LILRA4: variants seen among roughly 807,000 people sequenced by gnomAD.
LILRA4 encodes leukocyte immunoglobulin like receptor A4.
In LILRA4, 51 loss-of-function variants were observed where a neutral mutation model predicts 49.5. That is an observed-to-expected ratio of 1.03 (90% CI 0.82 to 1.30). The LOEUF (loss-of-function observed/expected upper bound fraction) is 1.30, where lower values mean the gene tolerates loss of function less well. LILRA4 is among the 50% of genes most tolerant of loss of function. The pLI, the probability that LILRA4 is intolerant of heterozygous loss-of-function variation, is 0.00. For missense variants in LILRA4, 624 were observed against 625.6 expected (o/e 1.00, Z 0.03); for synonymous variants, 272 against 265.6 (o/e 1.02, Z -0.23).
intron 6 of LILRA4, chr19:54,334,503 T>C (rs1172174405): frequency 6.5e-6 from 1 of 153,088 alleles, no homozygotes; most frequent in African/African-American, 2.4e-5. Context: ...TAATTCTTCA[T>C]ATAGTTAGGA....
chr19:54,337,525 G>T lies in LILRA4; in HGVS notation c.827C>A (p.Ser276Tyr). 6.2e-7 allele frequency: 1 copy of T among 1,613,090 alleles called. No homozygotes were observed. Among genetic ancestry groups the T allele is most frequent in the Non-Finnish European group, 8.5e-7 (1 of 1,179,906 alleles). ...RPGRQPQAGL[S>Y]QANFTLSPVS... Reference sequence around the variant, plus strand: ...AGGGCTCAGGGTGAAGTTGGCCTGGGAGAGCCCAGCCTGGGGCTGCCGGCC... The same window carrying T: ...AGGGCTCAGGGTGAAGTTGGCCTGGTAGAGCCCAGCCTGGGGCTGCCGGCC... The change falls in exon 5 of 8, where the codon TCC (serine) becomes TAC (tyrosine). Residue 276 changes from serine (S) to tyrosine (Y), a missense_variant. Transcript: ENST00000291759.
chr19:54,337,544 G>A lies in LILRA4; in HGVS notation c.808C>T (p.Gln270Ter), dbSNP rs1469167291. The A allele has an allele frequency of 1.2e-6, 2 of 1,613,282 alleles. No homozygotes were observed. The highest frequency in any genetic ancestry group is 1.1e-5 in the South Asian group (1 of 91,040). Residue 270 changes from glutamine to a stop codon, truncating the protein, a stop_gained, in exon 5 of 8, where the codon CAG (glutamine) becomes TAG (stop). Coordinates refer to ENST00000291759, the MANE Select transcript of LILRA4 (RefSeq NM_012276.5). LOFTEE classifies it high-confidence loss of function. Reference protein sequence around the residue: ...ADGLPQRPGRQPQAGLSQANF... With the variant: ...ADGLPQRPGR ...GCCTGGGAGAGCCCAGCCTGGGGCT[G>A]CCGGCCAGGGCGCTGGGGGAGGCCA... is the stretch of plus-strand genomic sequence containing the variant.
chr19:54,336,770 T>C (rs1176414438), intron 6 of LILRA4, 71 bp downstream of exon 6: 3 of 1,550,480 alleles, frequency 1.9e-6, no homozygotes, highest in Non-Finnish European at 2.6e-6. Flanking sequence ...ACGGACACTC[T>C]CTTGGAAGCT....
rs1233050047 is a variant in LILRA4, at chr19:54,337,049, C to T, written c.1047G>A (p.Pro349=). ...KVTLLCQSWD[P]MFTFLLTKEG... is the part of the protein sequence containing the mutation. ...CCTTGGTCAGAAGGAAAGTGAACAT[C>T]GGGTCCCATGACTGACACAGCAGGG... Residue 349 remains proline, a synonymous_variant, in exon 6 of 8, where the codon CCG becomes CCA. Transcript: ENST00000291759. 8 of 1,613,882 alleles carry T rather than the reference C, an allele frequency of 5.0e-6. No homozygotes were observed. The highest frequency in any genetic ancestry group is 4.0e-5 in the African/African-American group (3 of 74,858).
intron 4 of LILRA4, 21 bp from the exon 5 acceptor site, chr19:54,337,717 G>A: frequency 6.2e-7 from 1 of 1,605,906 alleles, no homozygotes; most frequent in Non-Finnish European, 8.5e-7. Context: ...AGATGAGTTG[G>A]GACTCGGAGC....
Position 54,337,593 on chromosome 19 carries a change from G to T in LILRA4, c.759C>A (p.Tyr253Ter). The part of the protein sequence containing the change: ...QCGSDVGYIR[Y>*]TLYKEGADGL... ...CATCGGCCCCCTCCTTGTACAGAGT[G>T]TATCTGATGTAGCCGACATCAGAGC... Residue 253 changes from tyrosine (Y) to a stop codon, truncating the protein, a stop_gained, in exon 5 of 8, where the codon TAC becomes TAA. Coordinates refer to ENST00000291759, the MANE Select transcript of LILRA4 (RefSeq NM_012276.5). LOFTEE classifies it high-confidence loss of function. 3.7e-6 allele frequency: 6 copies of T among 1,613,318 alleles called. No homozygotes were observed. Among genetic ancestry groups the T allele is most frequent in the Admixed American group, 1.7e-5 (1 of 59,974 alleles).
rs1297614479 is a variant in LILRA4, at chr19:54,339,113, C to A, written c.-20G>T. 4.3e-6 allele frequency: 7 copies of A among 1,614,060 alleles called. No individual in the cohort carries two copies. In the East Asian group the frequency reaches 1.6e-4, roughly 36 times the overall value. ...GGTCATGGCATCTCCTCCTCCTGGC[C>A]CTGGCTGTGCAGGCAGGTGTGGCCA... On this transcript the variant is annotated 5_prime_UTR_variant, in exon 1 of 8. Transcript: ENST00000291759.
rs761302358 is a variant in LILRA4, at chr19:54,338,888, G to A, written c.48C>T (p.Gly16=). 1.2e-6 allele frequency: 2 copies of A among 1,614,132 alleles called. No homozygotes were observed. Among genetic ancestry groups the A allele is most frequent in the South Asian group, 1.1e-5 (1 of 91,084 alleles). ...CACCTGCCTGCACCCGGGTCCTGGG[G>A]CCCAGGCTCAGCCCTGGAAGAGAGT... ...TSLLFFGLSL[G]PRTRVQAENL... is the part of the protein sequence containing the mutation. Residue 16 remains glycine, a synonymous_variant, in exon 2 of 8, where the codon GGC becomes GGT. Coordinates refer to ENST00000291759, the MANE Select transcript of LILRA4 (RefSeq NM_012276.5).
rs1329888153 is a variant in LILRA4 at position 54,338,563 on chromosome 19, T to A, written c.188A>T (p.Glu63Val). ...LEAQGYRLDK[E>V]GNSMSRHILK... The stretch of plus-strand genomic sequence containing the variant: ...TATGTGCCTCGACATTGAGTTTCCC[T>A]CTTTATCCAGACGGTACCCCTGGGC... The change falls in exon 3 of 8, where the codon GAG becomes GTG. Residue 63 changes from glutamate to valine, a missense_variant. By Grantham distance (121) the Glu-to-Val change is moderately radical. Transcript: ENST00000291759. The A allele has an allele frequency of 1.2e-6, 2 of 1,614,150 alleles. No homozygotes were observed. The highest frequency in any genetic ancestry group is 3.3e-5 in the Admixed American group (2 of 60,028).
chr19:54,338,280 CCTCCCA>C, intron 3 of LILRA4, 45 bp from the exon 4 acceptor site: 1 of 1,594,148 alleles, frequency 6.3e-7, no homozygotes, highest in Non-Finnish European at 8.6e-7. Context: ...GGGGCTCACA[CCTCCCA>C]CCTTATCCTA....
chr19:54,338,143 C>T lies in LILRA4; in HGVS notation c.448G>A (p.Gly150Ser), dbSNP rs2081352549. 6.2e-7 allele frequency: 1 copy of T among 1,614,016 alleles called. No individual in the cohort carries two copies. Among genetic ancestry groups the T allele is most frequent in the Non-Finnish European group, 8.5e-7 (1 of 1,179,970 alleles). ...TLRCASRLGL[G>S]RFTLIEEGDH... The stretch of plus-strand genomic sequence containing the variant: ...CCTTCCTCAATCAGAGTGAACCTGC[C>T]CAGTCCCAGCCGTGAGGCACACCGG... The change falls in exon 4 of 8, where the codon GGC becomes AGC. Residue 150 changes from glycine to serine, a missense_variant. Transcript: ENST00000291759.
At position 54,337,079 on chromosome 19, in the gene LILRA4, C is replaced by G. The variant is rs760826342; in HGVS notation, c.1017G>C (p.Lys339Asn). 5 of 1,613,742 alleles carry G rather than the reference C, an allele frequency of 3.1e-6. No individual in the cohort carries two copies. Among genetic ancestry groups the G allele is most frequent in the Middle Eastern group, 1.6e-4 (1 of 6,062 alleles). The change falls in exon 6 of 8, where the codon AAG (lysine) becomes AAC (asparagine). Residue 339 changes from lysine (K) to asparagine (N), a missense_variant. Coordinates refer to ENST00000291759, the MANE Select transcript of LILRA4 (RefSeq NM_012276.5). Reference protein sequence around the residue: ...QPGPTVTSGEKVTLLCQSWDP... With the variant: ...QPGPTVTSGENVTLLCQSWDP... ...CCCATGACTGACACAGCAGGGTCAC[C>G]TTCTCTCCTGAGGTCACCGTGGGGC...
rs140130784 is a variant in LILRA4 at position 54,337,548 on chromosome 19, G to A, written c.804C>T (p.Gly268=). 1.5e-3 allele frequency: 2,409 copies of A among 1,613,298 alleles called. 5 individuals carry two copies. The highest frequency in any genetic ancestry group is 3.5e-3 in the Admixed American group (208 of 59,988). Residue 268 remains glycine (G), a synonymous_variant, in exon 5 of 8, where the codon GGC becomes GGT. Coordinates refer to ENST00000291759, the MANE Select transcript of LILRA4 (RefSeq NM_012276.5). ...GGGAGAGCCCAGCCTGGGGCTGCCG[G>A]CCAGGGCGCTGGGGGAGGCCATCGG... ...EGADGLPQRP[G]RQPQAGLSQA...
chr19:54,339,142 T>G lies in LILRA4; in HGVS notation c.-49A>C. 1 of 1,607,998 alleles carries G rather than the reference T, an allele frequency of 6.2e-7. No individual in the cohort carries two copies. Among genetic ancestry groups the G allele is most frequent in the Non-Finnish European group, 8.5e-7 (1 of 1,174,530 alleles). On this transcript the variant is annotated 5_prime_UTR_variant, in exon 1 of 8. Transcript: ENST00000291759. The stretch of plus-strand genomic sequence containing the variant: ...GCTGTGCAGGCAGGTGTGGCCACGG[T>G]GCCCGTAGACACAGACAGACACATG...
In LILRA4 at chr19:54,338,073, TG is replaced by T. The variant is rs1351501703; in HGVS notation, c.517del (p.His173MetfsTer13). On this transcript the variant is annotated frameshift_variant, in exon 4 of 8. Transcript: ENST00000291759. LOFTEE classifies it high-confidence loss of function. ...SWTLNSHQHN[H>X]GKFQALFPMG... is the part of the protein sequence containing the mutation. Reference sequence around the variant, plus strand: ...GGGGAACAGGGCCTGGAACTTTCCATGGTTGTGTTGGTGTGAGTTCAGGGTC... The same window carrying T: ...GGGGAACAGGGCCTGGAACTTTCCATGTTGTGTTGGTGTGAGTTCAGGGTC... The T allele has an allele frequency of 1.2e-6, 2 of 1,613,952 alleles. No homozygotes were observed. Among genetic ancestry groups the T allele is most frequent in the Non-Finnish European group, 1.7e-6 (2 of 1,179,992 alleles).
At chr19:54,334,319 G>A (rs2081301305) in intron 6 of LILRA4, 1 of 224,324 alleles carries the variant, frequency 4.5e-6, no homozygotes, top group Admixed American at 5.2e-5. Context: ...CCCAGAGACA[G>A]AAATTTCCAT....
At position 54,338,024 on chromosome 19, in the gene LILRA4, G is replaced by A. The variant is rs368858840; in HGVS notation, c.567C>T (p.Asn189=). ...AGCCGTAGCATCTGAATGTACCCCT[G>A]TTGCTGAAGGTCAGGGGGCCCATGG... The part of the protein sequence containing the change: ...LFPMGPLTFS[N]RGTFRCYGYE... The change falls in exon 4 of 8, where the codon AAC becomes AAT. Residue 189 remains asparagine (N), a synonymous_variant. Transcript: ENST00000291759. 4.3e-6 allele frequency: 7 copies of A among 1,613,944 alleles called. No individual in the cohort carries two copies. The African/African-American group carries it at 5.3e-5, about 12-fold the overall frequency.
intron 1 of LILRA4, 21 bp downstream of exon 1, chr19:54,339,039 C>CT: frequency 6.2e-7 from 1 of 1,614,040 alleles, no homozygotes; most frequent in Non-Finnish European, 8.5e-7. Flanking sequence ...AGGGTCTCTC[C>CT]TCCCCCTCTT....
rs1187591729 is a variant in LILRA4 at position 54,338,115 on chromosome 19, T to C, written c.476A>G (p.Asp159Gly). The C allele has an allele frequency of 6.2e-7, 1 of 1,613,982 alleles. No homozygotes were observed. Among genetic ancestry groups the C allele is most frequent in the Admixed American group, 1.7e-5 (1 of 60,008 alleles). ...LGRFTLIEEG[D>G]HRLSWTLNSH... ...GTTCAGGGTCCAGGAGAGCCTGTGG[T>C]CTCCTTCCTCAATCAGAGTGAACCT... Residue 159 changes from aspartate to glycine, a missense_variant, in exon 4 of 8, where the codon GAC becomes GGC. By Grantham distance (94) the Asp-to-Gly change is moderately conservative (BLOSUM62 -1). Transcript: ENST00000291759.
Sources: gnomAD v4.1 joint callset for allele counts on GRCh38, gnomAD v4.1.1 for gene constraint, MANE v1.5 for transcripts, NCBI Gene and HGNC (gene_info 2026-07-23, HGNC 2026-07-21) for gene names.